The following LIX1 variants were observed in gnomAD, a reference collection of about 807,000 sequenced individuals.
LIX1 encodes the protein protein limb expression 1 homolog.
Under a neutral mutation model 33.4 loss-of-function variants are expected in LIX1, and 24 were observed. The observed-to-expected ratio is 0.72, with a 90% CI of 0.52 to 1.01. The LOEUF (loss-of-function observed/expected upper bound fraction) is 1.01. Among genes scored for constraint, LIX1 ranks in the 50% least tolerant of loss-of-function variants. The pLI is 0.00. For missense variants in LIX1, 311 were observed against 339.2 expected (o/e 0.92, Z 0.65); for synonymous variants, 124 against 124.0 (o/e 1.00, Z 0.00).
At chr5:97,112,889 A>G (rs1010380112) in intron 2 of LIX1, among the ~76,000 whole-genome samples, 1 of 151,348 alleles carries the variant, frequency 6.6e-6, no homozygotes, top group Non-Finnish European at 1.5e-5. Context: ...TTCCCCAGTG[A>G]CCCCTGCCCC....
At chr5:97,102,466 G>A (rs1180786640) in intron 4 of LIX1, among the ~76,000 whole-genome samples, 1 of 152,126 alleles carries the variant, frequency 6.6e-6, no homozygotes, top group Non-Finnish European at 1.5e-5. Context: ...CTCCTCCTGG[G>A]TTGCCAGTAT....
rs1291506831 is a variant in LIX1 at position 97,092,716 on chromosome 5, TG to T, written c.*2031del. ...ATTTGATATTGTCCCATCTGATCCC[TG>T]TCCCTGCATCTAATTAAGATGGTGT... is the stretch of plus-strand genomic sequence containing the variant. On this transcript the variant is annotated 3_prime_UTR_variant, in exon 6 of 6. Coordinates refer to ENST00000274382, the MANE Select transcript of LIX1 (RefSeq NM_153234.5). 1 of 152,396 alleles carries T rather than the reference TG, an allele frequency of 6.6e-6. No individual in the cohort carries two copies. The highest frequency in any genetic ancestry group is 2.4e-5 in the African/African-American group (1 of 41,470). The allele number at this position is 152,396 out of a possible 1,614,324, so 9.4% of individuals were successfully genotyped here. A position where few individuals can be genotyped will look rare whatever the true frequency, so the allele number is the denominator to read the frequency against.
intron 1 of LIX1, among the ~76,000 whole-genome samples, chr5:97,136,237 G>A (rs144876447): frequency 1.2e-4 from 19 of 152,270 alleles, no homozygotes; most frequent in Admixed American, 4.6e-4. Context: ...TAGCCGAGAG[G>A]GTGTGTTTGT....
At chr5:97,105,372 T>A in intron 3 of LIX1, 87 bp from the exon 4 acceptor site, 1 of 1,122,004 alleles carries the variant, frequency 8.9e-7, no homozygotes, top group Non-Finnish European at 1.3e-6. Context: ...GACCACACAG[T>A]AAGCCTATTT....
chr5:97,105,260 G>A lies in LIX1; in HGVS notation c.413C>T (p.Pro138Leu). 2 of 1,613,982 alleles carry A rather than the reference G, an allele frequency of 1.2e-6. No individual in the cohort carries two copies. Among genetic ancestry groups the A allele is most frequent in the Middle Eastern group, 1.7e-4 (1 of 6,060 alleles). The change falls in exon 4 of 6, where the codon CCC becomes CTC. Residue 138 changes from proline (P) to leucine (L), a missense_variant. Coordinates refer to ENST00000274382, the MANE Select transcript of LIX1 (RefSeq NM_153234.5). ...TSGTLDDADDPSTSVGAYHYM... is the reference protein window; with the variant it reads ...TSGTLDDADDLSTSVGAYHYM... ...GTGATAGGCCCCAACACTGGTGCTGGGGTCATCTGCATCATCTAAGGTGCC... is the reference window on the plus strand; with the variant it reads ...GTGATAGGCCCCAACACTGGTGCTGAGGTCATCTGCATCATCTAAGGTGCC...
chr5:97,115,726 A>G (rs1747617272), intron 2 of LIX1, among the ~76,000 whole-genome samples: 1 of 151,528 alleles, frequency 6.6e-6, no homozygotes, highest in African/African-American at 2.4e-5. Flanking sequence ...GTAGCCAAGG[A>G]GTTGAAACAC....
At chr5:97,127,289 G>A (rs1421201455) in intron 1 of LIX1, among the ~76,000 whole-genome samples, 3 of 152,178 alleles carry the variant, frequency 2.0e-5, no homozygotes, top group South Asian at 2.1e-4. Flanking sequence ...ATAATCTAGG[G>A]AAAATGAACA....
In LIX1 at chr5:97,094,793, G is replaced by C. The variant is rs1313047323; in HGVS notation, c.804C>G (p.Pro268=). 1.2e-6 allele frequency: 2 copies of C among 1,614,164 alleles called. No individual in the cohort carries two copies. The highest frequency in any genetic ancestry group is 2.2e-5 in the East Asian group (1 of 44,886). The change falls in exon 6 of 6, where the codon CCC becomes CCG. Residue 268 remains proline (P), a synonymous_variant. Transcript: ENST00000274382. The stretch of plus-strand genomic sequence containing the variant: ...CCGTAAGGCTCAGCTGATCATCACT[G>C]GGTGAGGAAGTGTCAGGGTCACTGC... ...QICSDPDTSS[P]SDDQLSLTAL... is the part of the protein sequence containing the mutation.
intron 4 of LIX1, among the ~76,000 whole-genome samples, chr5:97,100,263 A>C (rs1187107163): frequency 6.6e-6 from 1 of 152,144 alleles, no homozygotes; most frequent in East Asian, 1.9e-4. Flanking sequence ...AGAGACTTGA[A>C]CTGCTTTCGT....
At chr5:97,114,254 T>C (rs1265755915) in intron 2 of LIX1, among the ~76,000 whole-genome samples, 1 of 152,160 alleles carries the variant, frequency 6.6e-6, no homozygotes, top group Non-Finnish European at 1.5e-5. Flanking sequence ...AACCCAGCAC[T>C]TTGGGAGGCT....
intron 1 of LIX1, among the ~76,000 whole-genome samples, chr5:97,135,341 G>A (rs550998519): frequency 6.2e-4 from 95 of 152,314 alleles, no homozygotes; most frequent in African/African-American, 2.2e-3. Flanking sequence ...AAGTTTTTAA[G>A]TATACCATAG....
chr5:97,129,059 T>C lies in LIX1; in HGVS notation c.83-4430A>G, dbSNP rs539018808. Among the ~76,000 whole-genome samples the C allele has an allele frequency of 1.8e-4, 27 of 152,292 alleles. No individual in the cohort carries two copies. In the South Asian group the frequency reaches 5.2e-3, roughly 29 times the overall value. On this transcript the variant is annotated intron_variant, in intron 1 of 5. Transcript: ENST00000274382. ...TAGAAGACCCTATGTCTCACTATTC[T>C]CTCTTGTCCTAACCTCCTCTCCCCA...
intron 2 of LIX1, among the ~76,000 whole-genome samples, chr5:97,122,959 A>G (rs950592858): frequency 6.6e-6 from 1 of 152,204 alleles, no homozygotes; most frequent in Non-Finnish European, 1.5e-5. Flanking sequence ...CATTCATCAC[A>G]GTCAGTGGAA....
At chr5:97,133,343 G>A (rs1748105593) in intron 1 of LIX1, among the ~76,000 whole-genome samples, 1 of 152,246 alleles carries the variant, frequency 6.6e-6, no homozygotes, top group South Asian at 2.1e-4. Context: ...GTGGAATGTA[G>A]TGTCTACATC....
intron 5 of LIX1, among the ~76,000 whole-genome samples, chr5:97,096,228 G>A (rs1338436274): frequency 1.3e-5 from 2 of 152,102 alleles, no homozygotes; most frequent in African/African-American, 4.8e-5. Context: ...TAAAAAAGGG[G>A]GAAGGGTGCT....
At chr5:97,103,251 G>A (rs1224068713) in intron 4 of LIX1, among the ~76,000 whole-genome samples, 2 of 152,122 alleles carry the variant, frequency 1.3e-5, no homozygotes, top group African/African-American at 4.8e-5. Flanking sequence ...GAACCATTTT[G>A]TGTAGGTTCA....
chr5:97,132,714 C>CCT (rs1748082747), intron 1 of LIX1, among the ~76,000 whole-genome samples: 1 of 152,172 alleles, frequency 6.6e-6, no homozygotes, highest in Non-Finnish European at 1.5e-5. Context: ...GCTGTGCTGC[C>CCT]TGTGGTGGCT....
At chr5:97,137,359 C>G (rs1203191638) in intron 1 of LIX1, among the ~76,000 whole-genome samples, 2 of 151,870 alleles carry the variant, frequency 1.3e-5, no homozygotes, top group Admixed American at 6.6e-5. Context: ...ACAGATAAAG[C>G]CATAAAGTGA....
chr5:97,102,999 A>G (rs891308178), intron 4 of LIX1: 1 of 437,384 alleles, frequency 2.3e-6, no homozygotes, highest in Non-Finnish European at 4.5e-6. Flanking sequence ...ATTCTACAAA[A>G]TGGGCATTAT....
Sources: allele counts gnomAD v4.1 joint callset (sites outside exome capture counted in the v4.1 genomes callset), GRCh38; gene constraint gnomAD v4.1.1; transcripts MANE v1.5; gene names NCBI Gene and HGNC (gene_info 2026-07-23, HGNC 2026-07-21).